TMPRSS13: variants seen among roughly 807,000 people sequenced by gnomAD.
TMPRSS13 encodes transmembrane serine protease 13.
Under a neutral mutation model 68.4 loss-of-function variants are expected in TMPRSS13, and 50 were observed. That is an observed-to-expected ratio of 0.73 (90% confidence interval 0.58 to 0.93). The LOEUF is 0.93. TMPRSS13 is among the 40% of genes least tolerant of loss of function. The probability of loss-of-function intolerance (pLI) is 0.00; values close to 1 mark genes in which losing one functional copy is unlikely to be tolerated. For missense variants in TMPRSS13, 615 were observed against 729.2 expected (o/e 0.84, Z 1.80); for synonymous variants, 267 against 285.8 (o/e 0.93, Z 0.66).
At chr11:117,924,184 A>AAGAAAAGAAAAGAAAAGAAG (rs2057677399) in intron 1 of TMPRSS13, among the ~76,000 whole-genome samples, 1 of 151,408 alleles carries the variant, frequency 6.6e-6, no homozygotes, top group African/African-American at 2.4e-5. Flanking sequence ...TCTCAAAGAA[A>AAGAAAAGAAAAGAAAAGAAG]AGAAAAGAAA....
chr11:117,918,286 C>A, intron 2 of TMPRSS13, 123 bp downstream of exon 2: 5 of 1,230,672 alleles, frequency 4.1e-6, no homozygotes, highest in Non-Finnish European at 5.6e-6. Flanking sequence ...CTTCCCACCC[C>A]CCTACCTCCC....
At chr11:117,920,335 G>GTTTA (rs149587228) in intron 1 of TMPRSS13, among the ~76,000 whole-genome samples, 1 of 151,890 alleles carries the variant, frequency 6.6e-6, no homozygotes, top group African/African-American at 2.4e-5. Flanking sequence ...GGTTTTGTTT[G>GTTTA]TTTGTTTGTT....
chr11:117,913,894 C>T lies in TMPRSS13; in HGVS notation c.692G>A (p.Trp231Ter), dbSNP rs199637851. 6.1e-5 allele frequency: 98 copies of T among 1,613,684 alleles called. No homozygotes were observed. The highest frequency in any genetic ancestry group is 7.5e-5 in the Non-Finnish European group (89 of 1,179,952). ...GTAGATTTTAAGCAGAGACTTGTCC[C>T]AGTCAAACCTCACTGCAGGGCAAGA... ...SDELGCVRFDWDKSLLKIYSG... is the reference protein window; with the variant it reads ...SDELGCVRFD Residue 231 changes from tryptophan to a stop codon, truncating the protein, a stop_gained, in exon 5 of 13, where the codon TGG (tryptophan) becomes TAG (stop). Coordinates refer to ENST00000524993, the MANE Select transcript of TMPRSS13 (RefSeq NM_001077263.3). LOFTEE classifies it high-confidence loss of function.
chr11:117,907,044 A>T (rs2057470599), intron 9 of TMPRSS13, among the ~76,000 whole-genome samples: 2 of 152,142 alleles, frequency 1.3e-5, no homozygotes, highest in Admixed American at 6.5e-5. Flanking sequence ...TTTGAAAAGC[A>T]TACGCAATGT....
rs3839950 is a variant in TMPRSS13, at chr11:117,902,072, G to GCACACACACA, written c.*157_*166dup. 419 of 647,278 alleles carry GCACACACACA rather than the reference G, an allele frequency of 6.5e-4. No individual in the cohort carries two copies. The highest frequency in any genetic ancestry group is 5.9e-3 in the African/African-American group (319 of 54,016). 40.1% of individuals were successfully genotyped at this position (647,278 alleles called of 1,614,324 possible). A position where few individuals can be genotyped will look rare whatever the true frequency, so the allele number is the denominator to read the frequency against. On this transcript the variant is annotated 3_prime_UTR_variant, in exon 13 of 13. Transcript: ENST00000524993. Reference sequence around the variant, plus strand: ...TGGGAGAGTGGCAATGCACACATATGCACACACACACACACACACACACAC... The same window carrying GCACACACACA: ...TGGGAGAGTGGCAATGCACACATATGCACACACACACACACACACACACACACACACACAC...
rs776686203 is a variant in TMPRSS13, at chr11:117,903,768, G to A, written c.1564C>T (p.Arg522Cys). 17 of 1,612,096 alleles carry A rather than the reference G, an allele frequency of 1.1e-5. No individual in the cohort carries two copies. In the African/African-American group the frequency reaches 1.1e-4, roughly 10 times the overall value. Residue 522 changes from arginine to cysteine, a missense_variant, in exon 12 of 13, where the codon CGC (arginine) becomes TGC (cysteine). Coordinates refer to ENST00000524993, the MANE Select transcript of TMPRSS13 (RefSeq NM_001077263.3). ...GGPLVCEQNN[R>C]WYLAGVTSWG... ...CTGGTGACACCTGCCAGGTACCAGCGGTTGTTCTGCTCACAGACAAGAGGC... is the reference window on the plus strand; with the variant it reads ...CTGGTGACACCTGCCAGGTACCAGCAGTTGTTCTGCTCACAGACAAGAGGC...
chr11:117,909,451 C>G (rs541072840), intron 8 of TMPRSS13, among the ~76,000 whole-genome samples: 1 of 152,340 alleles, frequency 6.6e-6, no homozygotes, highest in East Asian at 1.9e-4. Flanking sequence ...TCTGGGATAA[C>G]TAGGGGCTCC....
chr11:117,908,101 AG>A (rs34198033), intron 9 of TMPRSS13: 1,002,078 of 1,055,120 alleles, frequency 0.95, 477,204 homozygotes, highest in Non-Finnish European at 0.97. Context: ...AGGTGGGGAG[AG>A]CACTGCTTGG....
intron 2 of TMPRSS13, 122 bp downstream of exon 2, chr11:117,918,287 C>A: frequency 8.1e-7 from 1 of 1,239,204 alleles, no homozygotes; most frequent in Admixed American, 2.5e-5. Context: ...TTCCCACCCC[C>A]CTACCTCCCC....
chr11:117,909,944 C>T lies in TMPRSS13; in HGVS notation c.971G>A (p.Gly324Glu), dbSNP rs1191793974. Residue 324 changes from glycine to glutamate, a missense_variant, in exon 8 of 13, where the codon GGG (glycine) becomes GAG (glutamate). Coordinates refer to ENST00000524993, the MANE Select transcript of TMPRSS13 (RefSeq NM_001077263.3). ...GGCCAGCGCCCCTCCCACGATCCGC[C>T]CGGTCATGGCCCTCAGTCCGCAGTC... ...CSHCGLRAMT[G>E]RIVGGALASD... The T allele has an allele frequency of 1.9e-6, 3 of 1,614,180 alleles. No homozygotes were observed. The highest frequency in any genetic ancestry group is 2.5e-6 in the Non-Finnish European group (3 of 1,180,010).
At chr11:117,902,850 GTCA>G (rs2057421558) in intron 12 of TMPRSS13, among the ~76,000 whole-genome samples, 1 of 152,168 alleles carries the variant, frequency 6.6e-6, no homozygotes, top group Non-Finnish European at 1.5e-5. Flanking sequence ...TGATAGATTA[GTCA>G]GAGTTCTTCA....
chr11:117,918,962 G>C, intron 1 of TMPRSS13, 124 bp from the exon 2 acceptor site: 1 of 1,322,836 alleles, frequency 7.6e-7, no homozygotes, highest in Non-Finnish European at 1.0e-6. Context: ...AAAGCCCCCC[G>C]GACAAGGAAG....
chr11:117,920,304 G>T (rs2057630102), intron 1 of TMPRSS13, among the ~76,000 whole-genome samples: 1 of 151,396 alleles, frequency 6.6e-6, no homozygotes, highest in Non-Finnish European at 1.5e-5. Flanking sequence ...AGGGTGTGGT[G>T]AGCCGTGTCT....
At position 117,909,980 on chromosome 11, in the gene TMPRSS13, G is replaced by A; in HGVS notation, c.947-12C>T. 6.2e-7 allele frequency: 1 copy of A among 1,612,670 alleles called. No homozygotes were observed. The highest frequency in any genetic ancestry group is 8.5e-7 in the Non-Finnish European group (1 of 1,178,772). On this transcript the variant is annotated splice_polypyrimidine_tract_variant and intron_variant, in intron 7 of 12. Coordinates refer to ENST00000524993, the MANE Select transcript of TMPRSS13 (RefSeq NM_001077263.3). ...CCTCAGTCCGCAGTCTGGAGGGAAG[G>A]AGTAGACGTACTGTGAACCCTGTTT... is the stretch of plus-strand genomic sequence containing the variant.
chr11:117,909,075 G>A (rs1330037137), intron 8 of TMPRSS13, among the ~76,000 whole-genome samples: 2 of 152,066 alleles, frequency 1.3e-5, no homozygotes, highest in African/African-American at 4.8e-5. Context: ...AAGTCACCAA[G>A]GATCAAATAG....
rs578005675 is a variant in TMPRSS13 at position 117,901,248 on chromosome 11, C to G, written c.*991G>C. The G allele has an allele frequency of 6.5e-6, 1 of 152,770 alleles. No homozygotes were observed. The highest frequency in any genetic ancestry group is 2.1e-4 in the South Asian group (1 of 4,828). The allele number at this position is 152,770 out of a possible 1,614,324, so 9.5% of individuals were successfully genotyped here. A position where few individuals can be genotyped will look rare whatever the true frequency, so the allele number is the denominator to read the frequency against. Reference sequence around the variant, plus strand: ...GCCTACGCGGGAACAGCATCTGTTTCTTAACGCCTTCGTCAGAGCCCTGGG... The same window carrying G: ...GCCTACGCGGGAACAGCATCTGTTTGTTAACGCCTTCGTCAGAGCCCTGGG... On this transcript the variant is annotated 3_prime_UTR_variant, in exon 13 of 13. Coordinates refer to ENST00000524993, the MANE Select transcript of TMPRSS13 (RefSeq NM_001077263.3).
chr11:117,918,958 C>G, intron 1 of TMPRSS13, 120 bp from the exon 2 acceptor site: 2 of 1,386,072 alleles, frequency 1.4e-6, no homozygotes, highest in South Asian at 1.3e-5. Context: ...GAGCAAAGCC[C>G]CCCGGACAAG....
chr11:117,903,585 C>T (rs771725672), intron 12 of TMPRSS13, 70 bp downstream of exon 12: 2 of 1,609,050 alleles, frequency 1.2e-6, no homozygotes, highest in South Asian at 1.1e-5. Context: ...AACCTGGGTG[C>T]TCCTCCAGGG....
At chr11:117,903,591 C>A in intron 12 of TMPRSS13, 64 bp downstream of exon 12, 1 of 1,610,750 alleles carries the variant, frequency 6.2e-7, no homozygotes. Context: ...GGTGCTCCTC[C>A]AGGGTCCCCA....
Sources: gnomAD v4.1 joint callset for allele counts (sites outside exome capture counted in the v4.1 genomes callset) on GRCh38, gnomAD v4.1.1 for gene constraint, MANE v1.5 for transcripts, NCBI Gene and HGNC (gene_info 2026-07-23, HGNC 2026-07-21) for gene names.